AMZ1: variants seen among roughly 807,000 people sequenced by gnomAD.
AMZ1 encodes archaelysin family metallopeptidase 1.
In AMZ1, 39 loss-of-function variants were observed where a neutral mutation model predicts 29.9. The ratio of observed to expected loss-of-function variants is 1.30; its 90% CI spans 1.01 to 1.70. AMZ1 has a LOEUF of 1.70. Among genes scored for constraint, AMZ1 ranks in the 40% most tolerant of loss-of-function variants. The probability of loss-of-function intolerance (pLI) is 0.00; values close to 1 mark genes in which losing one functional copy is unlikely to be tolerated. For missense variants in AMZ1, 1,041 were observed against 680.6 expected, an observed-to-expected ratio of 1.53 and a Z score of -5.89; for synonymous variants, 458 against 304.0, an observed-to-expected ratio of 1.51 and a Z score of -5.27.
At position 2,742,467 on chromosome 7, in the gene AMZ1, A is replaced by G. The variant is rs188659279; in HGVS notation, n.551-22245A>G. Among the ~76,000 whole-genome samples the G allele has an allele frequency of 1.9e-3, 294 of 152,310 alleles. 2 individuals carry two copies. Among genetic ancestry groups the G allele is most frequent in the Non-Finnish European group, 3.5e-3 (235 of 68,034 alleles). On this transcript the variant is annotated intron_variant and non_coding_transcript_variant, in intron 4 of 4. Transcript: ENST00000489665. The stretch of plus-strand genomic sequence containing the variant: ...TGTGAGTGACATTCCACTGTCAACA[A>G]GAGCCCTGCTCCTGTTTATCTCATC...
At position 2,709,259 on chromosome 7, in the gene AMZ1, T is replaced by G. The variant is rs1177431939; in HGVS notation, c.771+15T>G. 1 of 1,488,036 alleles carries G rather than the reference T, an allele frequency of 6.7e-7. No homozygotes were observed. The highest frequency in any genetic ancestry group is 8.9e-7 in the Non-Finnish European group (1 of 1,123,260). 92.2% of individuals were successfully genotyped at this position (1,488,036 alleles called of 1,614,324 possible). Reference sequence around the variant, plus strand: ...AGTGCTGCAAGGTGGGTGGGGGCTCTGGGGCTGGTAAGAGGGGACAGGAGG... The same window carrying G: ...AGTGCTGCAAGGTGGGTGGGGGCTCGGGGGCTGGTAAGAGGGGACAGGAGG... On this transcript the variant is annotated intron_variant, in intron 5 of 6. Transcript: ENST00000683327.
intron 4 of AMZ1, among the ~76,000 whole-genome samples, chr7:2,737,276 T>TTTG (rs1236862408): frequency 1.1e-4 from 6 of 53,326 alleles, no homozygotes; most frequent in East Asian, 4.5e-4. Flanking sequence ...TTTGTTTTGT[T>TTTG]TTTTTTTTTT....
chr7:2,743,546 G>C (rs1420305296), intron 4 of AMZ1, among the ~76,000 whole-genome samples: 4 of 152,188 alleles, frequency 2.6e-5, no homozygotes, highest in African/African-American at 9.7e-5. Context: ...AATCTTATCA[G>C]AGGTCAGGGA....
intron 4 of AMZ1, among the ~76,000 whole-genome samples, chr7:2,725,795 C>A (rs1338618207): frequency 6.6e-6 from 1 of 152,254 alleles, no homozygotes; most frequent in Non-Finnish European, 1.5e-5. Flanking sequence ...GTTCCAGGTC[C>A]AACACAACGC....
rs960774162 is a variant in AMZ1, at chr7:2,717,940, A to T, written c.*5062A>T. On this transcript the variant is annotated 3_prime_UTR_variant, in exon 7 of 7. Coordinates refer to ENST00000683327, the MANE Select transcript of AMZ1 (RefSeq NM_001384743.1). The stretch of plus-strand genomic sequence containing the variant: ...TCCCCGCTGCAGTGTTCCCGTGACG[A>T]TGAGGCAAATCCAAATAGTCACCGG... Among the ~76,000 whole-genome samples the T allele has an allele frequency of 1.3e-5, 2 of 152,166 alleles. No individual in the cohort carries two copies. Among genetic ancestry groups the T allele is most frequent in the African/African-American group, 4.8e-5 (2 of 41,438 alleles).
intron 4 of AMZ1, 120 bp downstream of exon 4, chr7:2,708,836 C>T (rs1387975533): frequency 1.2e-5 from 18 of 1,489,430 alleles, no homozygotes; most frequent in Non-Finnish European, 1.6e-5. Context: ...GAAGTCAACA[C>T]CTGTGCATGG....
At chr7:2,691,982 A>AT (rs1454358225) in intron 1 of AMZ1, among the ~76,000 whole-genome samples, 3 of 152,168 alleles carry the variant, frequency 2.0e-5, no homozygotes, top group African/African-American at 7.2e-5. Context: ...TAGGGGAATG[A>AT]TTTGGAGGTA....
intron 3 of AMZ1, among the ~76,000 whole-genome samples, chr7:2,707,195 C>T (rs984719605): frequency 6.6e-6 from 1 of 151,924 alleles, no homozygotes; most frequent in Non-Finnish European, 1.5e-5. Flanking sequence ...ATGGCTTGAA[C>T]CTGGGAGGCG....
upstream of AMZ1, among the ~76,000 whole-genome samples, chr7:2,761,727 A>C (rs1387817869): frequency 6.6e-6 from 1 of 152,190 alleles, no homozygotes; most frequent in Non-Finnish European, 1.5e-5. Flanking sequence ...AAAAACAATG[A>C]AGAGTTGACA....
chr7:2,685,626 A>G (rs527732113), upstream of AMZ1, among the ~76,000 whole-genome samples: 4 of 151,216 alleles, frequency 2.6e-5, no homozygotes, highest in Admixed American at 6.6e-5. Flanking sequence ...AGGCCGTGGC[A>G]GGCGGATCAC....
At chr7:2,712,158 C>T (rs1321781210) in intron 6 of AMZ1, among the ~76,000 whole-genome samples, 172 bp from the exon 7 acceptor site, 1 of 152,234 alleles carries the variant, frequency 6.6e-6, no homozygotes, top group Non-Finnish European at 1.5e-5. Flanking sequence ...ACAGCCTGGA[C>T]ATGAGTCCTC....
In AMZ1 at chr7:2,701,562, C is replaced by A. The variant is rs190392375; in HGVS notation, c.304+807C>A. Among the ~76,000 whole-genome samples, 563 of 152,324 alleles carry A rather than the reference C, an allele frequency of 3.7e-3. 2 individuals carry two copies. The highest frequency in any genetic ancestry group is 5.4e-3 in the Non-Finnish European group (365 of 68,020). On this transcript the variant is annotated intron_variant, in intron 2 of 6. Transcript: ENST00000683327. The stretch of plus-strand genomic sequence containing the variant: ...CATCCGTGCTCAGAAGGGAACGGCC[C>A]AGGCAGGTGCGGGGAGCGCGAGGGG...
intron 3 of AMZ1, 43 bp from the exon 4 acceptor site, chr7:2,708,541 GGTCC>G: frequency 6.2e-7 from 1 of 1,606,122 alleles, no homozygotes; most frequent in Non-Finnish European, 8.5e-7. Flanking sequence ...GGAAGATGGG[GGTCC>G]CCGGCTGCCT....
At chr7:2,693,471 C>T (rs1787526747) in intron 1 of AMZ1, among the ~76,000 whole-genome samples, 4 of 152,166 alleles carry the variant, frequency 2.6e-5, no homozygotes, top group Non-Finnish European at 5.9e-5. Flanking sequence ...CCTTGGACTC[C>T]TGGGCTGGAG....
At chr7:2,722,250 G>GAGTT (rs1789454940), downstream of AMZ1, among the ~76,000 whole-genome samples, 1 of 151,554 alleles carries the variant, frequency 6.6e-6, no homozygotes, top group South Asian at 2.1e-4. Context: ...GGTTCAAATG[G>GAGTT]AGTTAAGAAA....
rs770980663 is a variant in AMZ1, at chr7:2,712,517, C to T, written c.1136C>T (p.Ser379Leu). The change falls in exon 7 of 7, where the codon TCG becomes TTG. Residue 379 changes from serine to leucine, a missense_variant. Transcript: ENST00000683327. ...GATGCCGGGAGTCACACCTTCGCCT[C>T]GGGGCCAGAGGAAGGGCTGAGCTAC... Reference protein sequence around the residue: ...TPDAGSHTFASGPEEGLSYLA... With the variant: ...TPDAGSHTFALGPEEGLSYLA... The T allele has an allele frequency of 1.6e-4, 253 of 1,608,274 alleles. 1 individual carries two copies. The highest frequency in any genetic ancestry group is 2.0e-4 in the Non-Finnish European group (241 of 1,177,754).
chr7:2,725,508 G>C (rs1269412577), intron 4 of AMZ1, among the ~76,000 whole-genome samples: 2 of 152,228 alleles, frequency 1.3e-5, no homozygotes, highest in African/African-American at 4.8e-5. Context: ...AGTTCCAGAG[G>C]GTTCTGGAGG....
intron 4 of AMZ1, among the ~76,000 whole-genome samples, chr7:2,742,659 C>T (rs532912973): frequency 5.3e-5 from 8 of 152,290 alleles, no homozygotes; most frequent in South Asian, 2.1e-4. Context: ...TCCCTGTCCC[C>T]GCAAACACCT....
chr7:2,754,827 C>T (rs141284005), intron 4 of AMZ1, among the ~76,000 whole-genome samples: 43 of 152,300 alleles, frequency 2.8e-4, no homozygotes, highest in Middle Eastern at 3.4e-3. Flanking sequence ...TTGATTTCAA[C>T]GGATCACTAG....
Sources: allele counts gnomAD v4.1 joint callset (sites outside exome capture counted in the v4.1 genomes callset), GRCh38; gene constraint gnomAD v4.1.1; transcripts MANE v1.5; gene names NCBI Gene and HGNC (gene_info 2026-07-23, HGNC 2026-07-21).